VPS35: variants seen among roughly 807,000 people sequenced by gnomAD.
The protein encoded by VPS35 is vacuolar protein sorting-associated protein 35.
VPS35 carries 21 observed loss-of-function variants against 98.1 expected under a neutral mutation model. The ratio of observed to expected loss-of-function variants is 0.21; its 90% CI spans 0.15 to 0.31. The LOEUF is 0.31. Among genes scored for constraint, VPS35 ranks in the 10% least tolerant of loss-of-function variants. VPS35 has a pLI of 1.00. For missense variants in VPS35, 554 were observed against 950.8 expected (o/e 0.58, Z 5.49); for synonymous variants, 268 against 318.2 (o/e 0.84, Z 1.68).
At chr16:46,669,175 T>G in intron 12 of VPS35, 123 bp from the exon 13 acceptor site, 2 of 1,246,698 alleles carry the variant, frequency 1.6e-6, no homozygotes, top group Non-Finnish European at 2.3e-6. Context: ...CCATACTTTA[T>G]GGTAGGCAAT....
In VPS35 at chr16:46,674,468, A is replaced by G. The variant is rs773750047; in HGVS notation, c.1012-6T>C. ...GAAGGCATGTCTTGTCTAGACTGGA[A>G]TGTTTAGAAAACCACACAATTTATT... is the stretch of plus-strand genomic sequence containing the variant. On this transcript the variant is annotated splice_region_variant and splice_polypyrimidine_tract_variant and intron_variant, in intron 9 of 16. Transcript: ENST00000299138. The G allele has an allele frequency of 1.2e-6, 2 of 1,611,500 alleles. No individual in the cohort carries two copies. The highest frequency in any genetic ancestry group is 4.5e-5 in the East Asian group (2 of 44,842).
At chr16:46,673,429 T>C (rs1473026791) in intron 10 of VPS35, 2 of 151,948 alleles carry the variant, frequency 1.3e-5, no homozygotes, top group Non-Finnish European at 1.5e-5. Flanking sequence ...GGAAGGGAGA[T>C]AGAAAGGAGG....
At chr16:46,682,341 C>A in intron 2 of VPS35, 166 bp from the exon 3 acceptor site, 1 of 610,492 alleles carries the variant, frequency 1.6e-6, no homozygotes, top group Non-Finnish European at 2.9e-6. Context: ...GTTCACCTTG[C>A]CGTCTCTACT....
intron 1 of VPS35, among the ~76,000 whole-genome samples, chr16:46,687,676 C>T (rs1302479505): frequency 6.6e-6 from 1 of 152,128 alleles, no homozygotes; most frequent in African/African-American, 2.4e-5. Flanking sequence ...CAGTCCGTGA[C>T]ACTGAAGGCA....
Position 46,662,599 on chromosome 16 carries a change from G to T in VPS35, c.1828-117C>A, listed in dbSNP as rs554130402. On this transcript the variant is annotated intron_variant, in intron 14 of 16. Transcript: ENST00000299138. ...TGAGACTTCTGCAGCCTTCATATCA[G>T]AACATGCTGCACCCTCTCTTGAGAG... is the stretch of plus-strand genomic sequence containing the variant. 3.4e-6 allele frequency: 5 copies of T among 1,482,504 alleles called. No individual in the cohort carries two copies. The Admixed American group carries it at 6.7e-5, about 20-fold the overall frequency. 91.8% of individuals were successfully genotyped at this position (1,482,504 alleles called of 1,614,324 possible). A position where few individuals can be genotyped will look rare whatever the true frequency, so the allele number is the denominator to read the frequency against.
intron 12 of VPS35, among the ~76,000 whole-genome samples, chr16:46,669,902 T>C (rs1033264840): frequency 1.3e-5 from 2 of 152,124 alleles, no homozygotes; most frequent in African/African-American, 4.8e-5. Context: ...ATATTAACTA[T>C]TACTATGATA....
chr16:46,682,527 C>G (rs1273426093), intron 2 of VPS35: 2 of 260,532 alleles, frequency 7.7e-6, no homozygotes, highest in Non-Finnish European at 7.6e-6. Flanking sequence ...AAGATACTAT[C>G]CTGACATGGC....
Position 46,679,048 on chromosome 16 carries a change from A to G in VPS35, c.615T>C (p.Asp205=), listed in dbSNP as rs766949427. Residue 205 remains aspartate (D), a synonymous_variant, in exon 6 of 17, where the codon GAT becomes GAC. Coordinates refer to ENST00000299138, the MANE Select transcript of VPS35 (RefSeq NM_018206.6). The part of the protein sequence containing the change: ...VRMQHQGHSR[D]REKRERERQE... ...GTCTTTCTCGTTCTCTTTTTTCTCTATCTCGGCTATGTCCCTGATGCTGCA... is the reference window on the plus strand; with the variant it reads ...GTCTTTCTCGTTCTCTTTTTTCTCTGTCTCGGCTATGTCCCTGATGCTGCA... 2.5e-6 allele frequency: 4 copies of G among 1,613,998 alleles called. No individual in the cohort carries two copies. Among genetic ancestry groups the G allele is most frequent in the Non-Finnish European group, 2.5e-6 (3 of 1,179,998 alleles).
At position 46,683,508 on chromosome 16, in the gene VPS35, C is replaced by T. The variant is rs1966264666; in HGVS notation, c.102G>A (p.Leu34=). 1.2e-6 allele frequency: 2 copies of T among 1,613,026 alleles called. No individual in the cohort carries two copies. Among genetic ancestry groups the T allele is most frequent in the African/African-American group, 1.3e-5 (1 of 74,890 alleles). ...KVQSFQMKRC[L]DKNKLMDALK... ...GTGCCTCCCACATCTCCATTCTTAC[C>T]AGGCATCTCTTCATTTGGAATGACT... Residue 34 remains leucine (L), a splice_region_variant and synonymous_variant, in exon 2 of 17, where the codon CTG becomes CTA. Transcript: ENST00000299138.
intron 1 of VPS35, among the ~76,000 whole-genome samples, chr16:46,683,919 G>T (rs1332742898): frequency 2.0e-5 from 3 of 151,926 alleles, no homozygotes; most frequent in African/African-American, 4.8e-5. Flanking sequence ...GTAGAGACGG[G>T]GTTTCACCAT....
chr16:46,687,952 T>G (rs936773481), intron 1 of VPS35, among the ~76,000 whole-genome samples: 2 of 152,222 alleles, frequency 1.3e-5, no homozygotes, highest in African/African-American at 4.8e-5. Context: ...ACATCCTCAA[T>G]TAAGTGTTTT....
At position 46,656,429 on chromosome 16, in the gene VPS35, T is replaced by G. The variant is rs114726342; in HGVS notation, c.*4043A>C. On this transcript the variant is annotated 3_prime_UTR_variant, in exon 17 of 17. Coordinates refer to ENST00000299138, the MANE Select transcript of VPS35 (RefSeq NM_018206.6). ...TTTACAAAAATTGTAACTGAGGAAATTATGACAGTGAAAGAGATCAGACCC... is the reference window on the plus strand; with the variant it reads ...TTTACAAAAATTGTAACTGAGGAAAGTATGACAGTGAAAGAGATCAGACCC... 1 of 152,196 alleles carries G rather than the reference T, an allele frequency of 6.6e-6. No homozygotes were observed. Among genetic ancestry groups the G allele is most frequent in the South Asian group, 2.1e-4 (1 of 4,832 alleles). The allele number at this position is 152,196 out of a possible 1,614,324, so 9.4% of individuals were successfully genotyped here. A position where few individuals can be genotyped will look rare whatever the true frequency, so the allele number is the denominator to read the frequency against.
chr16:46,663,807 C>T (rs1248652936), intron 13 of VPS35, among the ~76,000 whole-genome samples: 1 of 150,234 alleles, frequency 6.7e-6, no homozygotes, highest in African/African-American at 2.5e-5. Flanking sequence ...GTGATGCTCC[C>T]ACCTCAGACT....
chr16:46,674,199 T>A, intron 10 of VPS35, 115 bp downstream of exon 10: 2 of 1,172,396 alleles, frequency 1.7e-6, no homozygotes, highest in Non-Finnish European at 2.5e-6. Flanking sequence ...ATGACAATCT[T>A]AATGCATGAT....
At chr16:46,665,688 TTTTA>T (rs748299050) in intron 13 of VPS35, among the ~76,000 whole-genome samples, 1 of 152,186 alleles carries the variant, frequency 6.6e-6, no homozygotes, top group Non-Finnish European at 1.5e-5. Flanking sequence ...GGCTAGTTAC[TTTTA>T]TTTATTTGCC....
chr16:46,668,834 T>C, intron 13 of VPS35, 96 bp downstream of exon 13: 2 of 1,532,080 alleles, frequency 1.3e-6, no homozygotes, highest in African/African-American at 2.8e-5. Flanking sequence ...TCTATTTTTG[T>C]ACGTTTGAAA....
At chr16:46,674,219 A>C in intron 10 of VPS35, 95 bp downstream of exon 10, 1 of 1,376,394 alleles carries the variant, frequency 7.3e-7, no homozygotes, top group Admixed American at 1.8e-5. Context: ...TTAAAACAAG[A>C]CAAATGCCAG....
intron 5 of VPS35, among the ~76,000 whole-genome samples, chr16:46,679,455 T>C (rs1168842163): frequency 6.6e-6 from 1 of 152,194 alleles, no homozygotes; most frequent in Non-Finnish European, 1.5e-5. Flanking sequence ...AGGATGGGCA[T>C]GGTGGCTCAT....
chr16:46,666,415 T>G (rs1965990035), intron 13 of VPS35, among the ~76,000 whole-genome samples: 1 of 152,026 alleles, frequency 6.6e-6, no homozygotes, highest in Non-Finnish European at 1.5e-5. Flanking sequence ...ACTACAGGCA[T>G]GCGCCACCAC....
Sources: allele counts gnomAD v4.1 joint callset (sites outside exome capture counted in the v4.1 genomes callset), GRCh38; gene constraint gnomAD v4.1.1; transcripts MANE v1.5; gene names NCBI Gene and HGNC (gene_info 2026-07-23, HGNC 2026-07-21).